Variants in NRF1 observed in about 807,000 individuals in gnomAD.
The protein encoded by NRF1 is nuclear respiratory factor 1.
NRF1 carries 5 observed loss-of-function variants against 58.5 expected under a neutral mutation model. The ratio of observed to expected loss-of-function variants is 0.09; its 90% CI spans 0.04 to 0.18. The LOEUF (loss-of-function observed/expected upper bound fraction) is 0.18. Among genes scored for constraint, NRF1 ranks in the 10% least tolerant of loss-of-function variants. The pLI is 1.00. For synonymous variants in NRF1, 224 were observed against 246.7 expected (o/e 0.91, Z 0.86); for missense variants, 288 against 657.7 (o/e 0.44, Z 6.15).
intron 9 of NRF1, among the ~76,000 whole-genome samples, chr7:129,723,459 A>T (rs796491673): frequency 0.012 from 1,776 of 150,144 alleles, 20 homozygotes; most frequent in Non-Finnish European, 0.018. Context: ...AAAAAAAAAA[A>T]TTTTTTTCCC....
rs538990879 is a variant in NRF1, at chr7:129,712,940, A to G, written c.1065+1364A>G. Reference sequence around the variant, plus strand: ...AGACAACGAGGGGTACAGTTAGGAGATGTGTTAGTTTTTGGCTTAGACAAA... The same window carrying G: ...AGACAACGAGGGGTACAGTTAGGAGGTGTGTTAGTTTTTGGCTTAGACAAA... On this transcript the variant is annotated intron_variant, in intron 8 of 10. Transcript: ENST00000393232. 2.6e-5 allele frequency among the ~76,000 whole-genome samples: 4 copies of G among 152,212 alleles called. No individual in the cohort carries two copies. The South Asian group carries it at 8.3e-4, about 32-fold the overall frequency.
At chr7:129,682,568 A>T (rs984605438) in intron 4 of NRF1, among the ~76,000 whole-genome samples, 3 of 151,612 alleles carry the variant, frequency 2.0e-5, no homozygotes, top group African/African-American at 7.3e-5. Context: ...GATCTGAATA[A>T]CAGATTTAAT....
intron 1 of NRF1, among the ~76,000 whole-genome samples, chr7:129,634,342 C>T (rs1801124893): frequency 6.6e-6 from 1 of 152,058 alleles, no homozygotes; most frequent in South Asian, 2.1e-4. Flanking sequence ...TCCTGGTGCT[C>T]CTGTCTTCCC....
chr7:129,625,610 C>T (rs1476016805), intron 1 of NRF1, among the ~76,000 whole-genome samples: 1 of 151,684 alleles, frequency 6.6e-6, no homozygotes, highest in East Asian at 1.9e-4. Context: ...GGGCAGTCTT[C>T]CTGTGTTAGC....
At chr7:129,674,163 A>G (rs1302350901) in intron 3 of NRF1, among the ~76,000 whole-genome samples, 2 of 152,090 alleles carry the variant, frequency 1.3e-5, no homozygotes, top group Non-Finnish European at 2.9e-5. Context: ...AGCTGTTTTC[A>G]TTTCATCCTC....
intron 1 of NRF1, among the ~76,000 whole-genome samples, chr7:129,623,383 T>G (rs1053967833): frequency 2.1e-4 from 21 of 99,490 alleles, no homozygotes; most frequent in East Asian, 7.0e-4. Flanking sequence ...AATACCTGTT[T>G]TTTTTTTTTT....
At chr7:129,648,473 G>A (rs995833621) in intron 1 of NRF1, among the ~76,000 whole-genome samples, 3 of 151,560 alleles carry the variant, frequency 2.0e-5, no homozygotes, top group South Asian at 4.2e-4. Context: ...TAGAGACGGG[G>A]TTTCACCGTG....
chr7:129,671,975 TA>T (rs1802057784), intron 3 of NRF1, among the ~76,000 whole-genome samples: 1 of 152,190 alleles, frequency 6.6e-6, no homozygotes, highest in Non-Finnish European at 1.5e-5. Flanking sequence ...TTTTCTCTAT[TA>T]CGGGGATGGT....
intron 1 of NRF1, among the ~76,000 whole-genome samples, chr7:129,614,116 T>C (rs1319856655): frequency 6.6e-6 from 1 of 152,134 alleles, no homozygotes; most frequent in Admixed American, 6.5e-5. Context: ...AATAGTTCTC[T>C]TTTTCTTTTT....
chr7:129,679,995 TTGCAGTGA>T (rs1433052149), intron 4 of NRF1, among the ~76,000 whole-genome samples: 97 of 151,812 alleles, frequency 6.4e-4, no homozygotes, highest in African/African-American at 2.2e-3. Flanking sequence ...GAGGCAGAGG[TTGCAGTGA>T]GCCCAGATCA....
chr7:129,663,344 C>T (rs917006190), intron 2 of NRF1, among the ~76,000 whole-genome samples: 43 of 150,332 alleles, frequency 2.9e-4, no homozygotes, highest in South Asian at 1.5e-3. Flanking sequence ...ACGGGGTGGC[C>T]GGGCAGAGGC....
chr7:129,668,509 T>C (rs1204273825), intron 2 of NRF1, among the ~76,000 whole-genome samples: 2 of 152,252 alleles, frequency 1.3e-5, no homozygotes, highest in African/African-American at 4.8e-5. Flanking sequence ...TTGAGAGTTT[T>C]ATTTGAACTG....
chr7:129,628,137 G>C (rs980347425), intron 1 of NRF1, among the ~76,000 whole-genome samples: 1 of 141,856 alleles, frequency 7.0e-6, no homozygotes, highest in Admixed American at 7.7e-5. Flanking sequence ...TCTGCCTCCT[G>C]GGTTCACTCC....
chr7:129,700,452 G>C (rs6956841), intron 5 of NRF1, among the ~76,000 whole-genome samples: 135 of 152,238 alleles, frequency 8.9e-4, no homozygotes, highest in African/African-American at 3.0e-3. Context: ...AGTGATTCCA[G>C]CATGCAGGCA....
At chr7:129,647,987 A>C (rs1022067562) in intron 1 of NRF1, among the ~76,000 whole-genome samples, 10 of 152,200 alleles carry the variant, frequency 6.6e-5, no homozygotes, top group Non-Finnish European at 1.2e-4. Context: ...CAAAAGGATC[A>C]GTTTGGAAGA....
chr7:129,621,162 G>A (rs1800789571), intron 1 of NRF1, among the ~76,000 whole-genome samples: 1 of 152,204 alleles, frequency 6.6e-6, no homozygotes, highest in South Asian at 2.1e-4. Flanking sequence ...TTGCATCTTT[G>A]AAATTAGATT....
chr7:129,719,544 A>AC (rs1584669977), intron 9 of NRF1, among the ~76,000 whole-genome samples: 38 of 137,564 alleles, frequency 2.8e-4, no homozygotes, highest in South Asian at 1.2e-3. Flanking sequence ...ACACACACAC[A>AC]ACACATCTTC....
Position 129,688,732 on chromosome 7 carries a change from G to A in NRF1, c.466-1674G>A, listed in dbSNP as rs112348354. On this transcript the variant is annotated intron_variant, in intron 4 of 10. Coordinates refer to ENST00000393232, the MANE Select transcript of NRF1 (RefSeq NM_005011.5). ...AGAGAGACAGGTGCGGAGAGGGAAT[G>A]CCGGTGGAACTGCCAAACACTTTTA... Among the ~76,000 whole-genome samples, 1,359 of 152,252 alleles carry A rather than the reference G, an allele frequency of 8.9e-3. 12 individuals are homozygous for A. Among genetic ancestry groups the A allele is most frequent in the Non-Finnish European group, 0.015 (1,002 of 68,014 alleles).
At chr7:129,706,796 C>A (rs1027832682) in intron 5 of NRF1, among the ~76,000 whole-genome samples, 1 of 152,034 alleles carries the variant, frequency 6.6e-6, no homozygotes, top group Admixed American at 6.5e-5. Flanking sequence ...ACTATTGGTG[C>A]AAATAGGGTG....
Sources: gnomAD v4.1 joint callset for allele counts (sites outside exome capture counted in the v4.1 genomes callset) on GRCh38, gnomAD v4.1.1 for gene constraint, MANE v1.5 for transcripts, NCBI Gene and HGNC (gene_info 2026-07-23, HGNC 2026-07-21) for gene names.